ESRRB: variants seen among roughly 807,000 people sequenced by gnomAD.
ESRRB encodes the protein estrogen related receptor beta.
ESRRB carries 16 observed loss-of-function variants against 46.0 expected under a neutral mutation model. The observed-to-expected ratio is 0.35, with a 90% CI of 0.24 to 0.53. ESRRB has a LOEUF of 0.53. Ranked by LOEUF, ESRRB falls within the 20% of genes least tolerant of loss-of-function variation. The pLI is 0.93. For missense variants in ESRRB, 488 were observed against 607.4 expected, an observed-to-expected ratio of 0.80 and a Z score of 2.07; for synonymous variants, 246 against 259.6, an observed-to-expected ratio of 0.95 and a Z score of 0.50.
At chr14:76,401,113 C>T (rs1376922495) in intron 1 of ESRRB, among the ~76,000 whole-genome samples, 5 of 152,144 alleles carry the variant, frequency 3.3e-5, no homozygotes, top group East Asian at 3.8e-4. Context: ...AGGGTTGAGA[C>T]GAGAAAAGGC....
At position 76,316,014 on chromosome 14, in the gene ESRRB, C is replaced by G. The variant is rs562694552; in HGVS notation, c.2+5098C>G. ...GGGTCTCCAAGTCACTGCTGCACCCCCTCCACCCCACATTCTCAGAGGGCA... is the reference window on the plus strand; with the variant it reads ...GGGTCTCCAAGTCACTGCTGCACCCGCTCCACCCCACATTCTCAGAGGGCA... On this transcript the variant is annotated intron_variant, in intron 1 of 6. Transcript: ENST00000512784. Among the ~76,000 whole-genome samples, 15 of 152,316 alleles carry G rather than the reference C, an allele frequency of 9.8e-5. No homozygotes were observed. In the East Asian group the frequency reaches 2.7e-3, roughly 27 times the overall value.
chr14:76,365,323 T>TA (rs1884507659), intron 1 of ESRRB, among the ~76,000 whole-genome samples: 1 of 152,108 alleles, frequency 6.6e-6, no homozygotes, highest in African/African-American at 2.4e-5. Context: ...AAAAAAATTT[T>TA]AAAAAAGTAG....
intron 2 of ESRRB, among the ~76,000 whole-genome samples, chr14:76,447,024 T>C (rs8023163): frequency 2.0e-5 from 3 of 152,074 alleles, no homozygotes; most frequent in African/African-American, 7.3e-5. Flanking sequence ...CTCCCTCAGC[T>C]TCCTGCCGCC....
At chr14:76,315,268 C>A (rs952617288) in intron 1 of ESRRB, among the ~76,000 whole-genome samples, 4 of 72,960 alleles carry the variant, frequency 5.5e-5, no homozygotes, top group Non-Finnish European at 6.1e-5. Context: ...GCATTCACCC[C>A]CTGTGCTATG....
rs867079860 is a variant in ESRRB, at chr14:76,499,395, C to T, written c.*937C>T. 5.3e-5 allele frequency: 14 copies of T among 264,672 alleles called. No individual in the cohort carries two copies. Among genetic ancestry groups the T allele is most frequent in the South Asian group, 1.9e-4 (4 of 20,672 alleles). The allele number at this position is 264,672 out of a possible 1,614,324, so 16.4% of individuals were successfully genotyped here. On this transcript the variant is annotated 3_prime_UTR_variant, in exon 7 of 7. Coordinates refer to ENST00000644823, the MANE Select transcript of ESRRB (RefSeq NM_001379180.1). Reference sequence around the variant, plus strand: ...AGCCTGGCTCCATCCAAGAGCACCCCGGGGGGAGGATCAGGACAGGATGGA... The same window carrying T: ...AGCCTGGCTCCATCCAAGAGCACCCTGGGGGGAGGATCAGGACAGGATGGA...
intron 1 of ESRRB, among the ~76,000 whole-genome samples, chr14:76,433,303 A>G (rs770989031): frequency 7.9e-5 from 12 of 152,230 alleles, no homozygotes; most frequent in Non-Finnish European, 1.6e-4. Context: ...GCCCTCTACC[A>G]CTAATATTTA....
In ESRRB at chr14:76,491,523, C is replaced by T. The variant is rs757790651; in HGVS notation, c.927C>T (p.Ile309=). Reference sequence around the variant, plus strand: ...GGATGGAAATCCTCATCCTGGGCATCGTGTACCGCTCGCTGCCCTATGACG... The same window carrying T: ...GGATGGAAATCCTCATCCTGGGCATTGTGTACCGCTCGCTGCCCTATGACG... ...SAWMEILILG[I]VYRSLPYDDK... Residue 309 remains isoleucine (I), a synonymous_variant, in exon 6 of 7, where the codon ATC becomes ATT. Coordinates refer to ENST00000644823, the MANE Select transcript of ESRRB (RefSeq NM_001379180.1). 14 of 1,600,496 alleles carry T rather than the reference C, an allele frequency of 8.7e-6. No individual in the cohort carries two copies. The highest frequency in any genetic ancestry group is 6.7e-5 in the African/African-American group (5 of 74,826).
At chr14:76,417,242 G>A (rs546286837) in intron 1 of ESRRB, among the ~76,000 whole-genome samples, 1 of 152,330 alleles carries the variant, frequency 6.6e-6, no homozygotes, top group South Asian at 2.1e-4. Context: ...ATGATGAGGT[G>A]AGCTGTGTGG....
intron 3 of ESRRB, among the ~76,000 whole-genome samples, chr14:76,474,139 T>C (rs983871788): frequency 3.3e-5 from 5 of 152,270 alleles, no homozygotes; most frequent in Admixed American, 6.5e-5. Context: ...TTAACCTCTC[T>C]GAACCTTAAT....
rs1826976569 is a variant in ESRRB at position 76,482,487 on chromosome 14, C to T, written c.689-111C>T. The T allele has an allele frequency of 2.7e-6, 3 of 1,102,988 alleles. No individual in the cohort carries two copies. Among genetic ancestry groups the T allele is most frequent in the Non-Finnish European group, 1.4e-6 (1 of 734,826 alleles). The allele number at this position is 1,102,988 out of a possible 1,614,324, so 68.3% of individuals were successfully genotyped here. ...GGAGGGGAGATTATAGCCGCTTTGA[C>T]CTTCCTGGAGCTCTTAGGAACCCAA... On this transcript the variant is annotated intron_variant, in intron 4 of 6. Transcript: ENST00000644823. This position sits in a 1 kb window ranked among gnomAD's most constrained non-coding sequence, Gnocchi z 4.3.
At chr14:76,404,766 A>G (rs1886102490) in intron 1 of ESRRB, among the ~76,000 whole-genome samples, 1 of 152,212 alleles carries the variant, frequency 6.6e-6, no homozygotes, top group Admixed American at 6.5e-5. Context: ...CAAGAAGATT[A>G]GCTGTTTTTT....
intron 1 of ESRRB, among the ~76,000 whole-genome samples, chr14:76,406,982 C>T (rs117269542): frequency 0.01 from 1,545 of 152,364 alleles, 15 homozygotes; most frequent in Non-Finnish European, 0.015. Flanking sequence ...AAAGGCTCCA[C>T]AATAAATGCG....
intron 1 of ESRRB, among the ~76,000 whole-genome samples, chr14:76,339,096 T>A (rs1884160782): frequency 6.6e-6 from 1 of 152,218 alleles, no homozygotes; most frequent in Non-Finnish European, 1.5e-5. Context: ...GTGATGAGTA[T>A]CATGAATTTA....
intron 2 of ESRRB, among the ~76,000 whole-genome samples, chr14:76,449,699 C>G (rs754460017): frequency 5.3e-5 from 8 of 151,836 alleles, no homozygotes; most frequent in Non-Finnish European, 8.8e-5. Context: ...CTTAATAGCA[C>G]CTCTGATGTG....
Position 76,401,714 on chromosome 14 carries a change from G to T in ESRRB, c.50+25263G>T, listed in dbSNP as rs554074453. Among the ~76,000 whole-genome samples, 8 of 152,246 alleles carry T rather than the reference G, an allele frequency of 5.3e-5. No individual in the cohort carries two copies. The East Asian group carries it at 1.5e-3, about 29-fold the overall frequency. ...GCAATAGGCTTTACCATACAGCCTA[G>T]GGGTGTAGTAGGCTATGCCATCTAG... On this transcript the variant is annotated intron_variant, in intron 1 of 6. Transcript: ENST00000644823.
At chr14:76,387,755 C>A (rs1159722012) in intron 1 of ESRRB, among the ~76,000 whole-genome samples, 2 of 152,202 alleles carry the variant, frequency 1.3e-5, no homozygotes, top group Non-Finnish European at 2.9e-5. Flanking sequence ...TGTTCAGATG[C>A]TCTTCTCCAA....
chr14:76,360,885 C>T (rs1884454414), intron 1 of ESRRB, among the ~76,000 whole-genome samples: 2 of 152,170 alleles, frequency 1.3e-5, no homozygotes, highest in Admixed American at 6.5e-5. Flanking sequence ...ATAGATTGAC[C>T]TTACTCATTT....
chr14:76,332,279 C>T (rs562269929), intron 1 of ESRRB, among the ~76,000 whole-genome samples: 4 of 149,856 alleles, frequency 2.7e-5, no homozygotes, highest in Non-Finnish European at 5.9e-5. Context: ...ATGCAAGCCA[C>T]GTGTGTAATT....
At chr14:76,489,724 G>A (rs1440689202) in intron 5 of ESRRB, among the ~76,000 whole-genome samples, 1 of 152,126 alleles carries the variant, frequency 6.6e-6, no homozygotes, top group Non-Finnish European at 1.5e-5. Flanking sequence ...GACCCCTAAG[G>A]TTCAACTGCC....
Sources: allele counts gnomAD v4.1 joint callset (sites outside exome capture counted in the v4.1 genomes callset), GRCh38; gene constraint gnomAD v4.1.1; non-coding constraint Gnocchi (gnomAD v3.1); transcripts MANE v1.5; gene names NCBI Gene and HGNC (gene_info 2026-07-23, HGNC 2026-07-21).